The following MARK3 variants were observed in gnomAD, a reference collection of about 807,000 sequenced individuals.
The protein encoded by MARK3 is MAP/microtubule affinity-regulating kinase 3.
In MARK3, 46 loss-of-function variants were observed where a neutral mutation model predicts 90.1. The observed-to-expected ratio is 0.51, with a 90% CI of 0.40 to 0.65. The LOEUF is 0.65. Among genes scored for constraint, MARK3 ranks in the 30% least tolerant of loss-of-function variants. MARK3 has a pLI of 0.00. For synonymous variants in MARK3, 321 were observed against 332.6 expected (o/e 0.97, Z 0.38); for missense variants, 818 against 947.2 (o/e 0.86, Z 1.79).
chr14:103,461,731 T>C (rs973140633), intron 6 of MARK3, among the ~76,000 whole-genome samples: 3 of 152,110 alleles, frequency 2.0e-5, no homozygotes, highest in Non-Finnish European at 4.4e-5. Context: ...GAGTTGACTC[T>C]ATGGGTATGG....
intron 2 of MARK3, among the ~76,000 whole-genome samples, chr14:103,406,587 T>G (rs910607006): frequency 1.3e-5 from 2 of 149,340 alleles, no homozygotes; most frequent in Non-Finnish European, 3.0e-5. Flanking sequence ...TGTCTGGGAG[T>G]TTTTTGTTTT....
At chr14:103,493,240 C>CTTTTT (rs11437791) in intron 15 of MARK3, among the ~76,000 whole-genome samples, 36 of 123,134 alleles carry the variant, frequency 2.9e-4, no homozygotes, top group African/African-American at 8.2e-4. Flanking sequence ...GGGAGTATTC[C>CTTTTT]TTTTTTTTTT....
intron 2 of MARK3, among the ~76,000 whole-genome samples, chr14:103,411,277 A>AAAAC (rs529465730): frequency 2.0e-5 from 3 of 152,238 alleles, no homozygotes; most frequent in South Asian, 2.1e-4. Context: ...CCGTCTCGAA[A>AAAAC]AAACAAACAA....
At chr14:103,492,894 C>T (rs377028832) in intron 15 of MARK3, among the ~76,000 whole-genome samples, 205 of 152,252 alleles carry the variant, frequency 1.3e-3, no homozygotes, top group Admixed American at 2.1e-3. Context: ...ACCCAAGAGC[C>T]CCTGCAGTTT....
chr14:103,460,941 A>G (rs1196373297), intron 6 of MARK3, among the ~76,000 whole-genome samples: 1 of 152,228 alleles, frequency 6.6e-6, no homozygotes, highest in Non-Finnish European at 1.5e-5. Context: ...TTTGTTAATT[A>G]TAAGTGGGTC....
intron 1 of MARK3, among the ~76,000 whole-genome samples, chr14:103,389,095 TG>T (rs1250593695): frequency 6.6e-6 from 1 of 152,134 alleles, no homozygotes; most frequent in Non-Finnish European, 1.5e-5. Context: ...CCGGGTGTGG[TG>T]GCTCATACCT....
At chr14:103,474,290 C>A (rs943079683) in intron 12 of MARK3, among the ~76,000 whole-genome samples, 7 of 152,206 alleles carry the variant, frequency 4.6e-5, no homozygotes, top group African/African-American at 1.7e-4. Context: ...TTATCATGTT[C>A]ATTTCCAAGA....
intron 1 of MARK3, among the ~76,000 whole-genome samples, chr14:103,400,981 G>GTGTGTA (rs1555371023): frequency 6.9e-6 from 1 of 144,732 alleles, no homozygotes; most frequent in African/African-American, 2.7e-5. Flanking sequence ...GTGTGTGTGT[G>GTGTGTA]TATGCAGGTT....
chr14:103,406,230 G>A (rs954930353), intron 2 of MARK3, among the ~76,000 whole-genome samples: 1 of 150,394 alleles, frequency 6.6e-6, no homozygotes, highest in South Asian at 2.1e-4. Context: ...GGTTAGGGGG[G>A]TGTCGGGGGT....
chr14:103,501,195 G>A (rs939518263), intron 17 of MARK3, among the ~76,000 whole-genome samples: 3 of 152,228 alleles, frequency 2.0e-5, no homozygotes, highest in African/African-American at 7.2e-5. Context: ...CCTGAGTGGC[G>A]TGGTCCAGGC....
At chr14:103,465,905 G>A in intron 8 of MARK3, 67 bp from the exon 9 acceptor site, 1 of 1,574,342 alleles carries the variant, frequency 6.4e-7, no homozygotes, top group South Asian at 1.2e-5. Flanking sequence ...GGGGTTTTTT[G>A]TTGTGTTTTG....
chr14:103,466,530 A>G (rs1566895781), intron 10 of MARK3, 88 bp downstream of exon 10: 1 of 831,470 alleles, frequency 1.2e-6, no homozygotes, highest in South Asian at 1.7e-5. Flanking sequence ...AAATGTGAAT[A>G]ATGGAAAGTT....
chr14:103,466,420 C>T lies in MARK3; in HGVS notation c.975C>T (p.Asp325=). ...ELKPFVEPEL[D]ISDQKRIDIM... ...AACCATTTGTTGAACCAGAGCTAGA[C>T]ATCTCAGACCAAAAAAGAATAGGTA... The change falls in exon 10 of 18, where the codon GAC becomes GAT. Residue 325 remains aspartate, a synonymous_variant. Transcript: ENST00000429436. The T allele has an allele frequency of 6.2e-7, 1 of 1,612,832 alleles. No individual in the cohort carries two copies. The highest frequency in any genetic ancestry group is 8.5e-7 in the Non-Finnish European group (1 of 1,178,948).
intron 14 of MARK3, among the ~76,000 whole-genome samples, chr14:103,481,116 T>C (rs1374374147): frequency 2.0e-5 from 3 of 152,086 alleles, no homozygotes; most frequent in African/African-American, 7.2e-5. Context: ...TTTCTTGGGG[T>C]TTTGAAATAA....
At chr14:103,425,154 A>G (rs1204903861) in intron 2 of MARK3, among the ~76,000 whole-genome samples, 1 of 150,478 alleles carries the variant, frequency 6.6e-6, no homozygotes, top group African/African-American at 2.5e-5. Flanking sequence ...GTTGGCCAGG[A>G]TGGTCTTTGT....
chr14:103,421,355 A>T (rs899948893), intron 2 of MARK3, among the ~76,000 whole-genome samples: 6 of 152,260 alleles, frequency 3.9e-5, no homozygotes, highest in Admixed American at 1.3e-4. Context: ...GTAACTGCAT[A>T]GAATGAACAA....
chr14:103,468,387 C>T (rs963501602), intron 12 of MARK3, among the ~76,000 whole-genome samples: 6 of 131,532 alleles, frequency 4.6e-5, no homozygotes, highest in Non-Finnish European at 7.7e-5. Flanking sequence ...TGGAGTGGCA[C>T]AATTTTGGCT....
At chr14:103,468,314 CTTTTTTTTTTTT>C (rs759932678) in intron 12 of MARK3, 128 bp downstream of exon 12, 18 of 116,126 alleles carry the variant, frequency 1.6e-4, no homozygotes, top group South Asian at 3.7e-4. Flanking sequence ...TTTCTTTCTT[CTTTTTTTTTTTT>C]TTTTTTTTTT....
chr14:103,468,315 T>TTC (rs34295660), intron 12 of MARK3, 129 bp downstream of exon 12: 26,093 of 54,002 alleles, frequency 0.48, 5,761 homozygotes, highest in Admixed American at 0.55. Context: ...TTCTTTCTTC[T>TTC]TTTTTTTTTT....
Sources: gnomAD v4.1 joint callset for allele counts (sites outside exome capture counted in the v4.1 genomes callset) on GRCh38, gnomAD v4.1.1 for gene constraint, MANE v1.5 for transcripts, NCBI Gene and HGNC (gene_info 2026-07-23, HGNC 2026-07-21) for gene names.